Variants in PIGZ observed in about 807,000 individuals in gnomAD.
PIGZ encodes the protein GPI alpha-1,2-mannosyltransferase 4.
In PIGZ, 16 loss-of-function variants were observed where a neutral mutation model predicts 16.4. That is an observed-to-expected ratio of 0.97 (90% CI 0.66 to 1.48). The LOEUF is 1.48. PIGZ is among the 40% of genes most tolerant of loss of function. The probability of loss-of-function intolerance (pLI) is 0.00; values close to 1 mark genes in which losing one functional copy is unlikely to be tolerated. For missense variants in PIGZ, 770 were observed against 739.2 expected, an observed-to-expected ratio of 1.04 and a Z score of -0.48; for synonymous variants, 409 against 338.4, an observed-to-expected ratio of 1.21 and a Z score of -2.29.
intron 1 of PIGZ, among the ~76,000 whole-genome samples, chr3:196,956,993 T>C (rs1717513785): frequency 6.6e-6 from 1 of 152,204 alleles, no homozygotes. Context: ...AGTTAGTGAA[T>C]TATTTTATTT....
At chr3:196,959,155 C>G (rs1272847782) in intron 1 of PIGZ, among the ~76,000 whole-genome samples, 1 of 152,208 alleles carries the variant, frequency 6.6e-6, no homozygotes, top group Non-Finnish European at 1.5e-5. Flanking sequence ...GGCATGTGGC[C>G]TTCGATAGCA....
At chr3:196,951,789 A>G (rs372454996) in intron 2 of PIGZ, 32 bp downstream of exon 2, 3 of 1,609,044 alleles carry the variant, frequency 1.9e-6, no homozygotes, top group Non-Finnish European at 2.6e-6. Context: ...ACTCTGCTGC[A>G]GCTTGTCTCA....
intron 2 of PIGZ, 126 bp from the exon 3 acceptor site, chr3:196,948,811 C>A (rs905005377): frequency 3.6e-6 from 2 of 560,656 alleles, no homozygotes; most frequent in Non-Finnish European, 5.5e-6. Context: ...GGACTGTGCA[C>A]GGGCTGGATT....
intron 1 of PIGZ, among the ~76,000 whole-genome samples, chr3:196,955,312 GTTGAC>G (rs967874270): frequency 1.8e-4 from 27 of 152,258 alleles, no homozygotes; most frequent in African/African-American, 6.5e-4. Flanking sequence ...TCATGAAATA[GTTGAC>G]TTGTCTAATT....
chr3:196,948,822 T>TTTCCTCCC (rs796703371), intron 2 of PIGZ, 137 bp from the exon 3 acceptor site: 54 of 463,924 alleles, frequency 1.2e-4, no homozygotes, highest in African/African-American at 9.4e-4. Context: ...GGGCTGGATT[T>TTTCCTCCC]TTCCTCCCTT....
intron 1 of PIGZ, among the ~76,000 whole-genome samples, chr3:196,956,366 C>G (rs1164438114): frequency 6.6e-6 from 1 of 152,090 alleles, no homozygotes; most frequent in Non-Finnish European, 1.5e-5. Context: ...AGGCAAAAAG[C>G]GAATGAGAAG....
At chr3:196,957,805 C>T (rs187054296) in intron 1 of PIGZ, among the ~76,000 whole-genome samples, 11 of 152,254 alleles carry the variant, frequency 7.2e-5, no homozygotes, top group Non-Finnish European at 1.3e-4. Flanking sequence ...CTGCTAGTCC[C>T]GAGAAGCTAC....
At chr3:196,959,085 G>A (rs117342248) in intron 1 of PIGZ, among the ~76,000 whole-genome samples, 2,148 of 152,348 alleles carry the variant, frequency 0.014, 14 homozygotes, top group East Asian at 0.035. Flanking sequence ...GTTCCTCAGC[G>A]TATGGGAAGG....
intron 1 of PIGZ, among the ~76,000 whole-genome samples, chr3:196,960,782 G>A (rs890504510): frequency 8.5e-5 from 8 of 93,644 alleles, no homozygotes; most frequent in Non-Finnish European, 1.7e-4. Context: ...ACAACTACCT[G>A]CCTATCCTTT....
intron 1 of PIGZ, among the ~76,000 whole-genome samples, chr3:196,954,715 T>C (rs933376311): frequency 3.9e-5 from 6 of 152,246 alleles, no homozygotes. Flanking sequence ...AGTTTTGCTA[T>C]GTAATAATTT....
rs763419778 is a variant in PIGZ at position 196,947,360 on chromosome 3, C to T, written c.1537G>A (p.Gly513Arg). 2.7e-5 allele frequency: 43 copies of T among 1,614,184 alleles called. No individual in the cohort carries two copies. The South Asian group carries it at 4.5e-4, about 17-fold the overall frequency. Residue 513 changes from glycine (G) to arginine (R), a missense_variant, in exon 3 of 3, where the codon GGG (glycine) becomes AGG (arginine). By Grantham distance (125) the Gly-to-Arg change is moderately radical. Transcript: ENST00000412723. ...ACAAAGAGGCGGCAGAGCCATGGCC[C>T]ACCAGCCACTTGGCAGGCTGGTTGT... is the stretch of plus-strand genomic sequence containing the variant. ...TRQPACQVAG[G>R]PWLCRLFVVT...
chr3:196,953,924 T>C (rs761559435), intron 1 of PIGZ, among the ~76,000 whole-genome samples: 111 of 151,864 alleles, frequency 7.3e-4, no homozygotes, highest in Admixed American at 2.0e-3. Context: ...ACCCAGGAAT[T>C]TGAGGCTGCA....
intron 1 of PIGZ, among the ~76,000 whole-genome samples, chr3:196,952,266 C>T (rs1295918109): frequency 6.6e-6 from 1 of 152,228 alleles, no homozygotes; most frequent in South Asian, 2.1e-4. Context: ...GAAACGGAGG[C>T]CTCTGCTGAG....
chr3:196,955,454 C>T (rs2108908043), intron 1 of PIGZ, among the ~76,000 whole-genome samples: 1 of 151,842 alleles, frequency 6.6e-6, no homozygotes, highest in African/African-American at 2.4e-5. Context: ...CTTTTAATCT[C>T]TAGTTCTGTT....
chr3:196,950,372 G>A (rs1189359101), intron 2 of PIGZ, among the ~76,000 whole-genome samples: 1 of 152,202 alleles, frequency 6.6e-6, no homozygotes, highest in Non-Finnish European at 1.5e-5. Context: ...CTGTAACCCT[G>A]TGCCCCAACG....
At position 196,948,677 on chromosome 3, in the gene PIGZ, G is replaced by T; in HGVS notation, c.220C>A (p.Leu74Met). 6.9e-7 allele frequency: 1 copy of T among 1,452,950 alleles called. No individual in the cohort carries two copies. 90.0% of individuals were successfully genotyped at this position (1,452,950 alleles called of 1,614,324 possible). A position where few individuals can be genotyped will look rare whatever the true frequency, so the allele number is the denominator to read the frequency against. ...CAGGGCCGCGCGGCCTGAACGCCCAGGATGTCCTCTGCAGAGAGAGGCAGA... is the reference window on the plus strand; with the variant it reads ...CAGGGCCGCGCGGCCTGAACGCCCATGATGTCCTCTGCAGAGAGAGGCAGA... ...QSPEVMAEDI[L>M]GVQAARPWEF... Residue 74 changes from leucine (L) to methionine (M), a missense_variant, in exon 3 of 3, where the codon CTG (leucine) becomes ATG (methionine). Physicochemically the swap from Leu to Met is conservative, Grantham distance 15. Coordinates refer to ENST00000412723, the MANE Select transcript of PIGZ (RefSeq NM_025163.4).
intron 2 of PIGZ, among the ~76,000 whole-genome samples, chr3:196,950,046 C>T (rs1276279146): frequency 6.6e-6 from 1 of 151,720 alleles, no homozygotes; most frequent in African/African-American, 2.4e-5. Flanking sequence ...AGTCCAGTGG[C>T]GCTATCTTGG....
chr3:196,955,017 C>G (rs1187853393), intron 1 of PIGZ, among the ~76,000 whole-genome samples: 1 of 152,060 alleles, frequency 6.6e-6, no homozygotes, highest in African/African-American at 2.4e-5. Flanking sequence ...CCTCGACCTC[C>G]TGGGATCAAG....
chr3:196,956,442 A>C (rs995757300), intron 1 of PIGZ, among the ~76,000 whole-genome samples: 1 of 152,214 alleles, frequency 6.6e-6, no homozygotes, highest in Non-Finnish European at 1.5e-5. Flanking sequence ...AAACCATCAG[A>C]TCTCGTGAGA....
Sources: gnomAD v4.1 joint callset for allele counts (sites outside exome capture counted in the v4.1 genomes callset) on GRCh38, gnomAD v4.1.1 for gene constraint, MANE v1.5 for transcripts, NCBI Gene and HGNC (gene_info 2026-07-23, HGNC 2026-07-21) for gene names.